Variants in PLCB4 observed in about 807,000 individuals in gnomAD.
PLCB4 encodes 1-phosphatidylinositol 4,5-bisphosphate phosphodiesterase beta-4.
PLCB4 carries 77 observed loss-of-function variants against 178.8 expected under a neutral mutation model. The observed-to-expected ratio is 0.43, with a 90% CI of 0.36 to 0.52. PLCB4 has a LOEUF of 0.52. Ranked by LOEUF, PLCB4 falls within the 20% of genes least tolerant of loss-of-function variation. PLCB4 has a pLI of 0.00. For synonymous variants in PLCB4, 496 were observed against 490.8 expected, an observed-to-expected ratio of 1.01 and a Z score of -0.14; for missense variants, 1,024 against 1,453.4, an observed-to-expected ratio of 0.70 and a Z score of 4.80.
intron 3 of PLCB4, among the ~76,000 whole-genome samples, chr20:9,219,099 A>G (rs977482653): frequency 2.0e-5 from 3 of 152,268 alleles, no homozygotes; most frequent in African/African-American, 7.2e-5. Context: ...AGCAGAGCTC[A>G]GAAGTTTTGT....
chr20:9,111,642 A>G (rs2091577284), intron 2 of PLCB4, among the ~76,000 whole-genome samples: 2 of 152,202 alleles, frequency 1.3e-5, no homozygotes, highest in Non-Finnish European at 2.9e-5. Flanking sequence ...CAGTTCCCAA[A>G]GCCACTGCTA....
intron 3 of PLCB4, among the ~76,000 whole-genome samples, chr20:9,231,210 A>G (rs1434482233): frequency 2.0e-5 from 3 of 152,148 alleles, no homozygotes; most frequent in Admixed American, 6.5e-5. Flanking sequence ...TTCCATTTTC[A>G]GAAGTCTGGG....
chr20:9,230,345 T>C (rs1419903436), intron 3 of PLCB4, among the ~76,000 whole-genome samples: 1 of 152,060 alleles, frequency 6.6e-6, no homozygotes. Flanking sequence ...CAGTGGGGGA[T>C]AAAATTTTGT....
Position 9,196,959 on chromosome 20 carries a change from G to A in PLCB4, c.-78-20431G>A, listed in dbSNP as rs543274990. Among the ~76,000 whole-genome samples, 448 of 152,274 alleles carry A rather than the reference G, an allele frequency of 2.9e-3. 2 individuals carry two copies. Among genetic ancestry groups the A allele is most frequent in the Non-Finnish European group, 3.4e-3 (229 of 68,010 alleles). On this transcript the variant is annotated intron_variant, in intron 2 of 39. Coordinates refer to ENST00000378473, the MANE Select transcript of PLCB4 (RefSeq NM_001377142.1). ...CCCAGAGGGAATATAAGAGATGTAGGCAATGTAAAATGCAAGAAAGCAAGA... is the reference window on the plus strand; with the variant it reads ...CCCAGAGGGAATATAAGAGATGTAGACAATGTAAAATGCAAGAAAGCAAGA...
intron 25 of PLCB4, among the ~76,000 whole-genome samples, chr20:9,416,970 T>A (rs1425502501): frequency 2.0e-5 from 3 of 152,126 alleles, no homozygotes; most frequent in Non-Finnish European, 4.4e-5. Flanking sequence ...AGAAAAAATA[T>A]CATGACTCAG....
chr20:9,422,501 A>G (rs536977270), intron 27 of PLCB4, among the ~76,000 whole-genome samples: 23 of 152,338 alleles, frequency 1.5e-4, no homozygotes, highest in Admixed American at 7.8e-4. Context: ...ATCCGTTACC[A>G]GTATGGCTAG....
intron 3 of PLCB4, among the ~76,000 whole-genome samples, chr20:9,302,086 C>T (rs1280311127): frequency 2.0e-5 from 3 of 152,092 alleles, no homozygotes; most frequent in South Asian, 2.1e-4. Context: ...GACAATTAAA[C>T]CTTGAAATAT....
intron 30 of PLCB4, among the ~76,000 whole-genome samples, chr20:9,439,700 T>A (rs116284464): frequency 0.02 from 3,113 of 152,276 alleles, 90 homozygotes; most frequent in African/African-American, 0.071. Context: ...TAAGTTGATG[T>A]AGCTTGATCT....
intron 1 of PLCB4, among the ~76,000 whole-genome samples, chr20:9,084,939 G>C (rs1007963848): frequency 5.3e-5 from 8 of 152,038 alleles, no homozygotes; most frequent in African/African-American, 1.9e-4. Context: ...TGTTGTCCCA[G>C]CTGCTGGGGA....
intron 7 of PLCB4, among the ~76,000 whole-genome samples, chr20:9,357,871 T>C (rs2034978424): frequency 6.6e-6 from 1 of 152,190 alleles, no homozygotes; most frequent in South Asian, 2.1e-4. Context: ...AACTCACATC[T>C]TATATGGGCA....
intron 3 of PLCB4, among the ~76,000 whole-genome samples, chr20:9,234,289 A>G (rs954967926): frequency 7.9e-5 from 12 of 152,136 alleles, no homozygotes; most frequent in Non-Finnish European, 1.8e-4. Context: ...ATGGCAAGTA[A>G]GCAGTTGGAT....
intron 3 of PLCB4, among the ~76,000 whole-genome samples, chr20:9,303,107 A>AG (rs575018213): frequency 1.8e-3 from 269 of 152,188 alleles, no homozygotes; most frequent in African/African-American, 6.3e-3. Context: ...TTGGTTATTA[A>AG]GGGGGGTCTG....
chr20:9,100,466 A>C (rs1198838752), intron 2 of PLCB4, among the ~76,000 whole-genome samples: 1 of 152,172 alleles, frequency 6.6e-6, no homozygotes, highest in Non-Finnish European at 1.5e-5. Flanking sequence ...CTCAAACTTC[A>C]TAACAGGAAA....
intron 2 of PLCB4, among the ~76,000 whole-genome samples, chr20:9,149,097 G>A (rs1457473859): frequency 2.0e-5 from 3 of 152,110 alleles, no homozygotes; most frequent in African/African-American, 4.8e-5. Flanking sequence ...AAAACTGGAG[G>A]GCCAGAAGAG....
chr20:9,225,870 T>G (rs145731640), intron 3 of PLCB4, among the ~76,000 whole-genome samples: 16 of 152,372 alleles, frequency 1.1e-4, no homozygotes, highest in Non-Finnish European at 1.6e-4. Flanking sequence ...GAAAAGTTCT[T>G]AACTATTTTA....
intron 2 of PLCB4, among the ~76,000 whole-genome samples, chr20:9,152,794 A>C (rs552826551): frequency 6.6e-6 from 1 of 152,214 alleles, no homozygotes; most frequent in South Asian, 2.1e-4. Context: ...GACAGCTTGC[A>C]CCATGTGCCT....
At chr20:9,473,033 C>A (rs1358686409) in intron 37 of PLCB4, among the ~76,000 whole-genome samples, 186 bp downstream of exon 37, 3 of 152,058 alleles carry the variant, frequency 2.0e-5, no homozygotes, top group Non-Finnish European at 2.9e-5. Context: ...TGATTTGGCA[C>A]CATTTTATAC....
chr20:9,091,321 G>T (rs1568731420), intron 1 of PLCB4, among the ~76,000 whole-genome samples: 1 of 152,102 alleles, frequency 6.6e-6, no homozygotes, highest in Non-Finnish European at 1.5e-5. Context: ...AACCACATCT[G>T]GTTTATGATA....
chr20:9,395,144 G>C (rs2038467623), intron 18 of PLCB4, among the ~76,000 whole-genome samples: 1 of 152,014 alleles, frequency 6.6e-6, no homozygotes, highest in Non-Finnish European at 1.5e-5. Context: ...TTTTCTATCA[G>C]TTCCCCATAA....
Sources: gnomAD v4.1 joint callset for allele counts (sites outside exome capture counted in the v4.1 genomes callset) on GRCh38, gnomAD v4.1.1 for gene constraint, MANE v1.5 for transcripts, NCBI Gene and HGNC (gene_info 2026-07-23, HGNC 2026-07-21) for gene names.